The following AGFG1 variants were observed in gnomAD, a reference collection of about 807,000 sequenced individuals.
AGFG1 encodes ArfGAP with FG repeats 1, also known as arf-GAP domain and FG repeat-containing protein 1.
A neutral mutation model predicts 60.6 loss-of-function variants in AGFG1; 10 were observed. The observed-to-expected ratio is 0.16, with a 90% confidence interval of 0.10 to 0.28. The LOEUF is 0.28. Among genes scored for constraint, AGFG1 ranks in the 10% least tolerant of loss-of-function variants. The pLI, the probability that AGFG1 is intolerant of heterozygous loss-of-function variation, is 1.00. For synonymous variants in AGFG1, 247 were observed against 242.9 expected (o/e 1.02, Z -0.16); for missense variants, 537 against 676.5 (o/e 0.79, Z 2.29).
intron 10 of AGFG1, among the ~76,000 whole-genome samples, chr2:227,544,682 G>C (rs1692590943): frequency 1.3e-5 from 2 of 152,132 alleles, no homozygotes; most frequent in Non-Finnish European, 2.9e-5. Flanking sequence ...GCATTTGCTT[G>C]TCTGTAAAGG....
intron 2 of AGFG1, among the ~76,000 whole-genome samples, chr2:227,501,725 A>T (rs1448537877): frequency 6.6e-6 from 1 of 152,144 alleles, no homozygotes; most frequent in South Asian, 2.1e-4. Flanking sequence ...CTGGGACCAT[A>T]GGCATACACC....
Position 227,507,626 on chromosome 2 carries a change from A to AG in AGFG1, c.262-12321dup, listed in dbSNP as rs869294346. On this transcript the variant is annotated intron_variant, in intron 2 of 12. Coordinates refer to ENST00000310078, the MANE Select transcript of AGFG1 (RefSeq NM_004504.5). ...TCAAAAAAAAAAAAAAAAAAAAAAA[A>AG]GCGCCTTTTCACTAATTTTTTTTGT... 6.1e-5 allele frequency among the ~76,000 whole-genome samples: 9 copies of AG among 148,692 alleles called. No individual in the cohort carries two copies. In the South Asian group the frequency reaches 1.3e-3, roughly 21 times the overall value.
At chr2:227,530,106 A>G (rs1692114871) in intron 5 of AGFG1, among the ~76,000 whole-genome samples, 1 of 152,136 alleles carries the variant, frequency 6.6e-6, no homozygotes, top group African/African-American at 2.4e-5. Flanking sequence ...AACTATTAGC[A>G]AGACTCAGGC....
Position 227,544,061 on chromosome 2 carries a change from A to G in AGFG1, c.1378+7068A>G, listed in dbSNP as rs554823107. 1.4e-3 allele frequency among the ~76,000 whole-genome samples: 213 copies of G among 149,280 alleles called. 1 individual carries two copies. The highest frequency in any genetic ancestry group is 2.3e-3 in the Non-Finnish European group (158 of 67,502). On this transcript the variant is annotated intron_variant, in intron 10 of 12. Transcript: ENST00000310078. ...TCCTCCATCCCTTTATTTTGAGCCT[A>G]TGTATGTCTCTGCACGTGAGATGGG...
chr2:227,548,022 T>C (rs1692705223), intron 10 of AGFG1, among the ~76,000 whole-genome samples: 1 of 152,230 alleles, frequency 6.6e-6, no homozygotes, highest in Non-Finnish European at 1.5e-5. Flanking sequence ...TGATGAAGCA[T>C]TGATACATGC....
chr2:227,552,242 A>G lies in AGFG1; in HGVS notation c.1537+125A>G, dbSNP rs565553318. 1.5e-5 allele frequency: 17 copies of G among 1,169,436 alleles called. No individual in the cohort carries two copies. In the African/African-American group the frequency reaches 1.7e-4, roughly 12 times the overall value. The allele number at this position is 1,169,436 out of a possible 1,614,324, so 72.4% of individuals were successfully genotyped here. On this transcript the variant is annotated intron_variant, in intron 11 of 12. Coordinates refer to ENST00000310078, the MANE Select transcript of AGFG1 (RefSeq NM_004504.5). ...ATAGTATTATCTACTGAGTGTTTAC[A>G]CAAAAATAAAAGCCTTTGGTGATTT... is the stretch of plus-strand genomic sequence containing the variant.
At chr2:227,509,378 G>C (rs1185998992) in intron 2 of AGFG1, among the ~76,000 whole-genome samples, 1 of 152,172 alleles carries the variant, frequency 6.6e-6, no homozygotes, top group East Asian at 1.9e-4. Context: ...CACATTAAAA[G>C]AGACAAGACA....
intron 1 of AGFG1, among the ~76,000 whole-genome samples, chr2:227,479,079 CCTT>C (rs1690379628): frequency 6.6e-6 from 1 of 152,156 alleles, no homozygotes; most frequent in Admixed American, 6.5e-5. Context: ...GAGAAAGTGG[CCTT>C]CTAGCCATGA....
intron 2 of AGFG1, among the ~76,000 whole-genome samples, chr2:227,512,792 T>C (rs1376296285): frequency 6.6e-6 from 1 of 152,222 alleles, no homozygotes; most frequent in East Asian, 1.9e-4. Context: ...GGCAGAATTA[T>C]TAAGTGCTGT....
rs1438651756 is a variant in AGFG1, at chr2:227,559,375, T to G, written c.*4880T>G. 6.6e-6 allele frequency: 1 copy of G among 152,208 alleles called. No homozygotes were observed. Among genetic ancestry groups the G allele is most frequent in the Non-Finnish European group, 1.5e-5 (1 of 68,018 alleles). 9.4% of individuals were successfully genotyped at this position (152,208 alleles called of 1,614,324 possible). On this transcript the variant is annotated 3_prime_UTR_variant, in exon 13 of 13. Coordinates refer to ENST00000310078, the MANE Select transcript of AGFG1 (RefSeq NM_004504.5). ...TTCTTATGCCACATCTTAGTCTGAT[T>G]TTGAAGTCAGTTGTGTAAGTTTGGG...
At chr2:227,478,685 T>A (rs1417043003) in intron 1 of AGFG1, among the ~76,000 whole-genome samples, 1 of 152,200 alleles carries the variant, frequency 6.6e-6, no homozygotes, top group Admixed American at 6.5e-5. Context: ...TGCTGGCACA[T>A]AAGGCTTTGA....
At chr2:227,499,711 A>G (rs974567084) in intron 2 of AGFG1, among the ~76,000 whole-genome samples, 4 of 151,830 alleles carry the variant, frequency 2.6e-5, no homozygotes, top group Admixed American at 2.6e-4. Flanking sequence ...CAAAGATTGG[A>G]CTGGAATGGA....
chr2:227,509,607 T>C (rs902259086), intron 2 of AGFG1, among the ~76,000 whole-genome samples: 1 of 152,138 alleles, frequency 6.6e-6, no homozygotes, highest in African/African-American at 2.4e-5. Context: ...ATTAAAAAAA[T>C]TATTTTTCTC....
At chr2:227,515,691 C>G (rs1691629018) in intron 2 of AGFG1, among the ~76,000 whole-genome samples, 1 of 152,142 alleles carries the variant, frequency 6.6e-6, no homozygotes, top group Admixed American at 6.5e-5. Flanking sequence ...ACTAGTTTCA[C>G]TTTATATATT....
chr2:227,531,525 CTTT>C (rs34372948), intron 6 of AGFG1, among the ~76,000 whole-genome samples: 2 of 130,232 alleles, frequency 1.5e-5, no homozygotes, highest in African/African-American at 2.9e-5. Flanking sequence ...CTCTCTGTCT[CTTT>C]TTTTTTTTTT....
chr2:227,487,229 A>T (rs1458103122), intron 1 of AGFG1, among the ~76,000 whole-genome samples: 2 of 152,178 alleles, frequency 1.3e-5, no homozygotes, highest in Admixed American at 6.5e-5. Flanking sequence ...AGTCACTTGG[A>T]CTTTCCATTA....
chr2:227,544,394 T>C (rs1260234396), intron 10 of AGFG1, among the ~76,000 whole-genome samples: 1 of 152,068 alleles, frequency 6.6e-6, no homozygotes, highest in Non-Finnish European at 1.5e-5. Context: ...GACCTCGTCA[T>C]CTGCCTGTCT....
chr2:227,560,466 A>G lies in AGFG1; in HGVS notation c.*5971A>G, dbSNP rs1231161401. 4 of 152,114 alleles carry G rather than the reference A, an allele frequency of 2.6e-5. No homozygotes were observed. Among genetic ancestry groups the G allele is most frequent in the South Asian group, 2.1e-4 (1 of 4,830 alleles). 9.4% of individuals were successfully genotyped at this position (152,114 alleles called of 1,614,324 possible). A position where few individuals can be genotyped will look rare whatever the true frequency, so the allele number is the denominator to read the frequency against. Reference sequence around the variant, plus strand: ...TATCTGAAGATATATGAAAAAGCCTATGCTTTTAAATTAAACTGTTAAGAC... The same window carrying G: ...TATCTGAAGATATATGAAAAAGCCTGTGCTTTTAAATTAAACTGTTAAGAC... On this transcript the variant is annotated 3_prime_UTR_variant, in exon 13 of 13. Transcript: ENST00000310078.
intron 3 of AGFG1, among the ~76,000 whole-genome samples, chr2:227,522,498 C>T (rs894513317): frequency 4.6e-5 from 7 of 152,162 alleles, no homozygotes; most frequent in Non-Finnish European, 8.8e-5. Flanking sequence ...TTAGTTAACA[C>T]GTATACCAGG....
Sources: allele counts gnomAD v4.1 joint callset (sites outside exome capture counted in the v4.1 genomes callset), GRCh38; gene constraint gnomAD v4.1.1; transcripts MANE v1.5; gene names NCBI Gene and HGNC (gene_info 2026-07-23, HGNC 2026-07-21).